Variants in ASIC2 observed in about 807,000 individuals in gnomAD.
ASIC2 encodes acid sensing ion channel subunit 2.
ASIC2 carries 25 observed loss-of-function variants against 57.3 expected under a neutral mutation model. The ratio of observed to expected loss-of-function variants is 0.44; its 90% CI spans 0.32 to 0.61. The LOEUF (loss-of-function observed/expected upper bound fraction) is 0.61. Ranked by LOEUF, ASIC2 falls within the 20% of genes least tolerant of loss-of-function variation. ASIC2 has a pLI of 0.06. For missense variants in ASIC2, 641 were observed against 738.1 expected (o/e 0.87, Z 1.52); for synonymous variants, 319 against 307.5 (o/e 1.04, Z -0.39).
At chr17:33,272,446 T>A (rs984070462) in intron 1 of ASIC2, among the ~76,000 whole-genome samples, 1 of 152,172 alleles carries the variant, frequency 6.6e-6, no homozygotes, top group African/African-American at 2.4e-5. Context: ...CTCTGAGAGG[T>A]AAACTGAATT....
rs151301520 is a variant in ASIC2, at chr17:34,112,468, A to C, written c.555+43510T>G. ...GACGCAAGACAGGCCAAAAAAAAAA[A>C]AAAAAGGAAAACTTCAGCCCACACA... On this transcript the variant is annotated intron_variant, in intron 1 of 9. Coordinates refer to the ASIC2 transcript ENST00000359872. Among the ~76,000 whole-genome samples the C allele has an allele frequency of 2.2e-3, 338 of 152,270 alleles. 1 individual carries two copies. The highest frequency in any genetic ancestry group is 7.9e-3 in the African/African-American group (327 of 41,554).
chr17:33,651,227 C>T (rs144786915), intron 1 of ASIC2, among the ~76,000 whole-genome samples: 158 of 152,152 alleles, frequency 1.0e-3, no homozygotes, highest in Non-Finnish European at 1.8e-3. Flanking sequence ...GTGTATTGTG[C>T]CACTGTCGAT....
At chr17:33,107,284 A>T (rs140146144) in intron 2 of ASIC2, among the ~76,000 whole-genome samples, 1 of 152,210 alleles carries the variant, frequency 6.6e-6, no homozygotes, top group Non-Finnish European at 1.5e-5. Flanking sequence ...CATGAAAACG[A>T]AGGTTTCTGT....
intron 1 of ASIC2, among the ~76,000 whole-genome samples, chr17:33,560,309 C>G (rs1916034993): frequency 6.6e-6 from 1 of 152,220 alleles, no homozygotes; most frequent in Non-Finnish European, 1.5e-5. Context: ...CCTCCCTGAT[C>G]AGAGAAAGTG....
At chr17:33,377,904 C>G (rs1909338900) in intron 1 of ASIC2, among the ~76,000 whole-genome samples, 1 of 152,178 alleles carries the variant, frequency 6.6e-6, no homozygotes. Flanking sequence ...GCTATTTTAT[C>G]AAAATATGAG....
intron 1 of ASIC2, chr17:33,980,734 CT>C (rs1427145769): frequency 6.6e-6 from 1 of 152,182 alleles, no homozygotes; most frequent in Non-Finnish European, 1.5e-5. Context: ...CAGATCATGC[CT>C]TCTTTACAGG....
intron 1 of ASIC2, among the ~76,000 whole-genome samples, chr17:33,998,707 T>G (rs1906239867): frequency 6.6e-6 from 1 of 152,196 alleles, no homozygotes; most frequent in Non-Finnish European, 1.5e-5. Flanking sequence ...GATTTTTTAT[T>G]TCATAGCACT....
intron 1 of ASIC2, among the ~76,000 whole-genome samples, chr17:34,136,218 C>T (rs1912121648): frequency 1.3e-5 from 2 of 152,176 alleles, no homozygotes; most frequent in African/African-American, 4.8e-5. Context: ...ACAGCAGGCC[C>T]TGAAGGAAAT....
intron 1 of ASIC2, among the ~76,000 whole-genome samples, chr17:34,152,774 C>G (rs867170889): frequency 2.0e-5 from 3 of 152,170 alleles, no homozygotes; most frequent in Admixed American, 1.3e-4. Flanking sequence ...GGGCTTCAAA[C>G]CTTTGTCTTT....
chr17:33,540,858 G>A (rs1417321916), intron 1 of ASIC2, among the ~76,000 whole-genome samples: 1 of 152,198 alleles, frequency 6.6e-6, no homozygotes. Flanking sequence ...ATGAAGAGCT[G>A]TCCCTTCATT....
intron 5 of ASIC2, 21 bp downstream of exon 5, chr17:33,025,905 A>T: frequency 1.3e-6 from 2 of 1,588,150 alleles, no homozygotes; most frequent in Non-Finnish European, 1.7e-6. Context: ...CCATGATTCC[A>T]TCTGTCCCCT....
intron 1 of ASIC2, among the ~76,000 whole-genome samples, chr17:33,522,134 C>G (rs546818341): frequency 1.3e-5 from 2 of 152,310 alleles, no homozygotes; most frequent in African/African-American, 4.8e-5. Context: ...TCAGTCCCCC[C>G]ACTCCTTCCT....
At chr17:33,609,736 C>A (rs1905336404) in intron 1 of ASIC2, among the ~76,000 whole-genome samples, 1 of 151,988 alleles carries the variant, frequency 6.6e-6, no homozygotes, top group Non-Finnish European at 1.5e-5. Context: ...TAAAGAAGCT[C>A]ACCTTATCTG....
At chr17:33,500,388 G>C (rs556728544) in intron 1 of ASIC2, among the ~76,000 whole-genome samples, 1 of 152,268 alleles carries the variant, frequency 6.6e-6, no homozygotes, top group African/African-American at 2.4e-5. Context: ...CCCAGGGGAG[G>C]GTTTTGATTG....
At chr17:33,633,279 C>A (rs2142028440) in intron 1 of ASIC2, among the ~76,000 whole-genome samples, 1 of 152,360 alleles carries the variant, frequency 6.6e-6, no homozygotes, top group South Asian at 2.1e-4. Context: ...GAGCCATTCC[C>A]CACCTGTGGG....
chr17:33,405,892 A>G (rs554891967), intron 1 of ASIC2, among the ~76,000 whole-genome samples: 5 of 151,536 alleles, frequency 3.3e-5, no homozygotes, highest in Non-Finnish European at 7.4e-5. Context: ...CACTCCAATC[A>G]CCCAGGGGCC....
At chr17:33,129,866 G>A (rs1270674813) in intron 1 of ASIC2, among the ~76,000 whole-genome samples, 1 of 152,214 alleles carries the variant, frequency 6.6e-6, no homozygotes, top group Non-Finnish European at 1.5e-5. Flanking sequence ...AGGGTGTTAA[G>A]TGAAAATGCT....
chr17:33,402,480 T>C (rs1424847083), intron 1 of ASIC2, among the ~76,000 whole-genome samples: 1 of 152,142 alleles, frequency 6.6e-6, no homozygotes, highest in Admixed American at 6.5e-5. Flanking sequence ...ATTGTTCCCC[T>C]CCTTGTGTCC....
chr17:33,641,301 A>C (rs1433779484), intron 1 of ASIC2, among the ~76,000 whole-genome samples: 1 of 152,234 alleles, frequency 6.6e-6, no homozygotes, highest in Non-Finnish European at 1.5e-5. Flanking sequence ...CAAACAAAAC[A>C]AAACAGAAGA....
Sources: allele counts gnomAD v4.1 joint callset (sites outside exome capture counted in the v4.1 genomes callset), GRCh38; gene constraint gnomAD v4.1.1; transcripts MANE v1.5; gene names NCBI Gene and HGNC (gene_info 2026-07-23, HGNC 2026-07-21).